Variants in FRMD4B observed in about 807,000 individuals in gnomAD.
FRMD4B encodes FERM domain containing 4B, also known as FERM domain-containing protein 4B.
In FRMD4B, 74 loss-of-function variants were observed where a neutral mutation model predicts 141.5. The observed-to-expected ratio is 0.52, with a 90% confidence interval of 0.43 to 0.63. The LOEUF (loss-of-function observed/expected upper bound fraction) is 0.63, where lower values mean the gene tolerates loss of function less well. Ranked by LOEUF, FRMD4B falls within the 30% of genes least tolerant of loss-of-function variation. FRMD4B has a pLI of 0.00. For synonymous variants in FRMD4B, 506 were observed against 467.9 expected, an observed-to-expected ratio of 1.08 and a Z score of -1.05; for missense variants, 1,366 against 1,253.4, an observed-to-expected ratio of 1.09 and a Z score of -1.36.
In FRMD4B at chr3:69,500,917, T is replaced by C. The variant is rs531085940; in HGVS notation, c.-129+41289A>G. ...CGCTCTCCACATGACAGCATTAGCATTGTCTCTAAACATGTCTAGGCACAC... is the reference window on the plus strand; with the variant it reads ...CGCTCTCCACATGACAGCATTAGCACTGTCTCTAAACATGTCTAGGCACAC... On this transcript the variant is annotated intron_variant, in intron 1 of 5. Transcript: ENST00000459638. Among the ~76,000 whole-genome samples the C allele has an allele frequency of 2.0e-5, 3 of 152,272 alleles. No individual in the cohort carries two copies. In the East Asian group the frequency reaches 5.8e-4, roughly 29 times the overall value.
At chr3:69,459,666 A>C (rs1203968944) in intron 1 of FRMD4B, among the ~76,000 whole-genome samples, 2 of 152,192 alleles carry the variant, frequency 1.3e-5, no homozygotes, top group Non-Finnish European at 2.9e-5. Flanking sequence ...CAATGAACCA[A>C]TCCCTGCCTC....
At chr3:69,281,973 A>G (rs1236860863) in intron 5 of FRMD4B, among the ~76,000 whole-genome samples, 2 of 152,074 alleles carry the variant, frequency 1.3e-5, no homozygotes, top group South Asian at 4.1e-4. Flanking sequence ...AGTGTCACCA[A>G]TGGCTTATTC....
chr3:69,379,255 T>G (rs1704052165), intron 1 of FRMD4B, among the ~76,000 whole-genome samples: 2 of 152,108 alleles, frequency 1.3e-5, no homozygotes, highest in South Asian at 4.2e-4. Flanking sequence ...ATCTTGAACA[T>G]TTGTTTTTTA....
Position 69,240,171 on chromosome 3 carries a change from T to A in FRMD4B, c.581+9055A>T, listed in dbSNP as rs577631254. ...TATATTTTACTACAATTTAAAAAAATTTATTCTTAAATCTAGAGTTAGAAA... is the reference window on the plus strand; with the variant it reads ...TATATTTTACTACAATTTAAAAAAAATTATTCTTAAATCTAGAGTTAGAAA... On this transcript the variant is annotated intron_variant, in intron 7 of 22. Coordinates refer to ENST00000398540, the MANE Select transcript of FRMD4B (RefSeq NM_015123.3). Among the ~76,000 whole-genome samples, 26 of 152,062 alleles carry A rather than the reference T, an allele frequency of 1.7e-4. No homozygotes were observed. The Middle Eastern group carries it at 0.01, about 60-fold the overall frequency.
At chr3:69,201,050 C>T (rs930125422) in intron 11 of FRMD4B, among the ~76,000 whole-genome samples, 1 of 152,116 alleles carries the variant, frequency 6.6e-6, no homozygotes, top group African/African-American at 2.4e-5. Flanking sequence ...ACTTAAAAGG[C>T]GAAGGACTTC....
At chr3:69,465,699 G>T (rs929256469) in intron 1 of FRMD4B, among the ~76,000 whole-genome samples, 2 of 152,092 alleles carry the variant, frequency 1.3e-5, no homozygotes, top group Admixed American at 6.5e-5. Context: ...CTTCATCCAT[G>T]TCCCTTGCAA....
At chr3:69,247,926 G>A (rs1214659498) in intron 7 of FRMD4B, among the ~76,000 whole-genome samples, 1 of 152,170 alleles carries the variant, frequency 6.6e-6, no homozygotes, top group Non-Finnish European at 1.5e-5. Context: ...TGGGATTACA[G>A]GCGTGAGCCA....
intron 1 of FRMD4B, among the ~76,000 whole-genome samples, chr3:69,540,147 C>T (rs545764335): frequency 7.3e-5 from 11 of 151,196 alleles, no homozygotes; most frequent in East Asian, 2.0e-4. Context: ...GAGCCGCGAT[C>T]GCGCCACTGC....
chr3:69,219,415 C>T (rs985075147), intron 9 of FRMD4B, among the ~76,000 whole-genome samples: 1 of 151,940 alleles, frequency 6.6e-6, no homozygotes, highest in African/African-American at 2.4e-5. Flanking sequence ...AAGTAAATGG[C>T]CCGCATGCAA....
At chr3:69,207,423 T>C (rs1322787883) in intron 11 of FRMD4B, among the ~76,000 whole-genome samples, 3 of 152,216 alleles carry the variant, frequency 2.0e-5, no homozygotes, top group Admixed American at 2.0e-4. Context: ...GCATTCAGAC[T>C]AGTCAATCCT....
intron 1 of FRMD4B, among the ~76,000 whole-genome samples, chr3:69,510,493 G>A (rs78219465): frequency 0.06 from 9,170 of 152,208 alleles, 388 homozygotes; most frequent in Non-Finnish European, 0.092. Context: ...GACGAAGTTC[G>A]GGTGTTTCTG....
intron 1 of FRMD4B, among the ~76,000 whole-genome samples, chr3:69,460,601 T>C (rs1361114250): frequency 6.6e-6 from 1 of 152,192 alleles, no homozygotes; most frequent in African/African-American, 2.4e-5. Context: ...ATTTTTAATA[T>C]AAAGTGCCAG....
intron 1 of FRMD4B, among the ~76,000 whole-genome samples, chr3:69,315,536 G>A (rs1701776230): frequency 6.6e-6 from 1 of 152,072 alleles, no homozygotes; most frequent in Non-Finnish European, 1.5e-5. Flanking sequence ...CATATTTTTT[G>A]TTGTTGTTTC....
intron 1 of FRMD4B, among the ~76,000 whole-genome samples, chr3:69,374,030 C>G: frequency 6.6e-6 from 1 of 152,180 alleles, no homozygotes; most frequent in East Asian, 1.9e-4. Context: ...ACCAAGAAGT[C>G]AAGTAACTTG....
rs182933848 is a variant in FRMD4B, at chr3:69,175,982, G to A, written c.2984+542C>T. On this transcript the variant is annotated intron_variant, in intron 22 of 22. Coordinates refer to ENST00000398540, the MANE Select transcript of FRMD4B (RefSeq NM_015123.3). Reference sequence around the variant, plus strand: ...TTTTTAGTAGAGATGGGGTTTCACCGTGTTAGCCAGGATGGTCTCGATCTC... The same window carrying A: ...TTTTTAGTAGAGATGGGGTTTCACCATGTTAGCCAGGATGGTCTCGATCTC... Among the ~76,000 whole-genome samples the A allele has an allele frequency of 2.6e-5, 4 of 151,896 alleles. No homozygotes were observed. In the East Asian group the frequency reaches 5.8e-4, roughly 22 times the overall value.
exon 1 of FRMD4B, chr3:69,542,580 C>T (rs946169992): frequency 3.9e-5 from 6 of 152,588 alleles, no homozygotes; most frequent in African/African-American, 1.4e-4. Flanking sequence ...TGCCTCCTCT[C>T]GCTGTCAGCC....
upstream of FRMD4B, among the ~76,000 whole-genome samples, chr3:69,387,563 T>G (rs1487592055): frequency 6.6e-6 from 1 of 152,184 alleles, no homozygotes. Context: ...TCTATGCTAT[T>G]AAGTGGCACC....
chr3:69,295,950 G>A (rs1421585011), intron 4 of FRMD4B, among the ~76,000 whole-genome samples: 1 of 152,120 alleles, frequency 6.6e-6, no homozygotes, highest in Non-Finnish European at 1.5e-5. Context: ...CCGCGTAGCT[G>A]GGACTACAGG....
At chr3:69,323,369 C>A (rs189946382) in intron 1 of FRMD4B, among the ~76,000 whole-genome samples, 8 of 151,888 alleles carry the variant, frequency 5.3e-5, no homozygotes, top group Admixed American at 4.6e-4. Context: ...GAATTTGAGA[C>A]CAGCCTGGCC....
Sources: allele counts gnomAD v4.1 joint callset (sites outside exome capture counted in the v4.1 genomes callset), GRCh38; gene constraint gnomAD v4.1.1; transcripts MANE v1.5; gene names NCBI Gene and HGNC (gene_info 2026-07-23, HGNC 2026-07-21).